HPSE2: variants seen among roughly 807,000 people sequenced by gnomAD.
The protein encoded by HPSE2 is inactive heparanase-2.
HPSE2 carries 38 observed loss-of-function variants against 60.5 expected under a neutral mutation model. The ratio of observed to expected loss-of-function variants is 0.63; its 90% confidence interval spans 0.48 to 0.82. The LOEUF (loss-of-function observed/expected upper bound fraction) is 0.82, where lower values mean the gene tolerates loss of function less well. Ranked by LOEUF, HPSE2 falls within the 40% of genes least tolerant of loss-of-function variation. HPSE2 has a pLI of 0.00. For synonymous variants in HPSE2, 295 were observed against 293.2 expected (o/e 1.01, Z -0.06); for missense variants, 713 against 740.4 (o/e 0.96, Z 0.43).
chr10:98,696,049 G>C (rs1330584470), intron 5 of HPSE2, among the ~76,000 whole-genome samples: 1 of 152,024 alleles, frequency 6.6e-6, no homozygotes, highest in African/African-American at 2.4e-5. Context: ...CTTAGAAGTA[G>C]GATGGCCCAA....
intron 3 of HPSE2, among the ~76,000 whole-genome samples, chr10:99,062,605 G>C (rs1034300355): frequency 6.6e-6 from 1 of 151,952 alleles, no homozygotes; most frequent in African/African-American, 2.4e-5. Context: ...TTCAATCAGA[G>C]CCAAAACCTT....
chr10:99,192,322 G>A (rs148480185), intron 2 of HPSE2, among the ~76,000 whole-genome samples: 1 of 152,232 alleles, frequency 6.6e-6, no homozygotes, highest in East Asian at 1.9e-4. Flanking sequence ...ACTCCAAAAG[G>A]TCAAGGTTAG....
intron 10 of HPSE2, among the ~76,000 whole-genome samples, chr10:98,487,113 C>T (rs1460411212): frequency 1.3e-5 from 2 of 152,156 alleles, no homozygotes; most frequent in Non-Finnish European, 2.9e-5. Flanking sequence ...TCATCTCCAC[C>T]CCAGAAACAT....
rs529563727 is a variant in HPSE2 at position 99,136,633 on chromosome 10, C to A, written c.610+7605G>T. Reference sequence around the variant, plus strand: ...TCCACCACATGAACAGAACCAATCACAAAAACCACATGATTATCTCAATAG... The same window carrying A: ...TCCACCACATGAACAGAACCAATCAAAAAAACCACATGATTATCTCAATAG... On this transcript the variant is annotated intron_variant, in intron 3 of 11. Coordinates refer to ENST00000370552, the MANE Select transcript of HPSE2 (RefSeq NM_021828.5). Among the ~76,000 whole-genome samples the A allele has an allele frequency of 3.2e-4, 48 of 152,260 alleles. 1 individual carries two copies. The East Asian group carries it at 5.2e-3, about 17-fold the overall frequency.
At chr10:99,242,422 T>C in the HPSE2 span, among the ~76,000 whole-genome samples, 47 of 152,222 alleles carry the variant, frequency 3.1e-4, no homozygotes, top group Non-Finnish European at 8.8e-5. Context: ...AGTACATTTA[T>C]TTGGGGAAGA....
At chr10:99,236,205 G>A (rs1035165663), upstream of HPSE2, among the ~76,000 whole-genome samples, 1 of 151,784 alleles carries the variant, frequency 6.6e-6, no homozygotes, top group Non-Finnish European at 1.5e-5. Flanking sequence ...GGAGAAAAGG[G>A]TGGCGTTGTA....
intron 9 of HPSE2, among the ~76,000 whole-genome samples, chr10:98,537,549 G>A (rs1943321445): frequency 6.6e-6 from 1 of 152,114 alleles, no homozygotes; most frequent in Non-Finnish European, 1.5e-5. Flanking sequence ...TATAACCTAG[G>A]AATAACCGGC....
intron 3 of HPSE2, among the ~76,000 whole-genome samples, chr10:98,835,484 G>A (rs891735447): frequency 6.6e-6 from 1 of 152,096 alleles, no homozygotes; most frequent in African/African-American, 2.4e-5. Flanking sequence ...TTGGAGGTAG[G>A]GAGAGGGTTA....
intron 3 of HPSE2, among the ~76,000 whole-genome samples, chr10:99,005,666 G>C (rs1468160538): frequency 6.6e-6 from 1 of 151,994 alleles, no homozygotes; most frequent in Non-Finnish European, 1.5e-5. Flanking sequence ...ATTTCTTTGA[G>C]GGTTAGCTAC....
chr10:98,782,042 G>GTTCTTGCGATAGTTTAC (rs1950484108), intron 3 of HPSE2, among the ~76,000 whole-genome samples: 4 of 56,192 alleles, frequency 7.1e-5, no homozygotes, highest in African/African-American at 3.1e-4. Context: ...ATTTAGCTAT[G>GTTCTTGCGATAGTTTAC]TGAGAAAATG....
At chr10:98,523,069 G>T (rs1414707617) in intron 9 of HPSE2, among the ~76,000 whole-genome samples, 1 of 152,182 alleles carries the variant, frequency 6.6e-6, no homozygotes, top group Non-Finnish European at 1.5e-5. Context: ...AGTTCTCTCA[G>T]TTGGGCACAG....
chr10:98,687,316 T>G (rs996039110), intron 6 of HPSE2, among the ~76,000 whole-genome samples: 1 of 152,222 alleles, frequency 6.6e-6, no homozygotes, highest in African/African-American at 2.4e-5. Flanking sequence ...CTGCAATCAT[T>G]GGCTCTTGTT....
intron 3 of HPSE2, among the ~76,000 whole-genome samples, chr10:98,973,310 A>G (rs150513905): frequency 1.1e-3 from 172 of 152,314 alleles, no homozygotes; most frequent in African/African-American, 4.0e-3. Flanking sequence ...CATGATTATA[A>G]CTGTCAAAAT....
chr10:99,284,524 A>T, the HPSE2 span, among the ~76,000 whole-genome samples: 1 of 152,166 alleles, frequency 6.6e-6, no homozygotes, highest in Non-Finnish European at 1.5e-5. Context: ...TAAAACTATA[A>T]AAGTTTCTTA....
intron 5 of HPSE2, among the ~76,000 whole-genome samples, chr10:98,698,440 A>G (rs1338410545): frequency 1.3e-5 from 2 of 152,146 alleles, no homozygotes; most frequent in African/African-American, 2.4e-5. Context: ...CTTTGAAACC[A>G]ACGAGAACAA....
chr10:98,457,414 T>C lies in HPSE2; in HGVS notation c.*2160A>G, dbSNP rs1041681754. Reference sequence around the variant, plus strand: ...CTGGGCGAGCCATGGATCCTCTCCATGCCTCGTAGGAAAAATGGGGATAAC... The same window carrying C: ...CTGGGCGAGCCATGGATCCTCTCCACGCCTCGTAGGAAAAATGGGGATAAC... On this transcript the variant is annotated 3_prime_UTR_variant, in exon 12 of 12. Transcript: ENST00000370552. 4.6e-5 allele frequency: 7 copies of C among 152,166 alleles called. No homozygotes were observed. Among genetic ancestry groups the C allele is most frequent in the African/African-American group, 1.7e-4 (7 of 41,452 alleles). 9.4% of individuals were successfully genotyped at this position (152,166 alleles called of 1,614,324 possible). A position where few individuals can be genotyped will look rare whatever the true frequency, so the allele number is the denominator to read the frequency against.
chr10:99,262,201 C>T, the HPSE2 span, among the ~76,000 whole-genome samples: 29 of 152,224 alleles, frequency 1.9e-4, no homozygotes, highest in African/African-American at 6.7e-4. Context: ...TTTTCAAGGG[C>T]GTGTTTCCCT....
rs559645638 is a variant in HPSE2, at chr10:99,023,006, A to G, written c.610+121232T>C. ...GGCGGCTTTGTCTTGCACCTTAGGT[A>G]CCAGCACAACCACAGTGGGATAGAG... is the stretch of plus-strand genomic sequence containing the variant. On this transcript the variant is annotated intron_variant, in intron 3 of 11. Coordinates refer to ENST00000370552, the MANE Select transcript of HPSE2 (RefSeq NM_021828.5). Among the ~76,000 whole-genome samples the G allele has an allele frequency of 2.2e-4, 33 of 152,266 alleles. No individual in the cohort carries two copies. The South Asian group carries it at 6.6e-3, about 31-fold the overall frequency.
the HPSE2 span, among the ~76,000 whole-genome samples, chr10:99,262,444 T>C: frequency 6.6e-6 from 1 of 152,066 alleles, no homozygotes; most frequent in Non-Finnish European, 1.5e-5. Context: ...AAAGCCTCCT[T>C]TGCATCCTCC....
Sources: gnomAD v4.1 joint callset for allele counts (sites outside exome capture counted in the v4.1 genomes callset) on GRCh38, gnomAD v4.1.1 for gene constraint, MANE v1.5 for transcripts, NCBI Gene and HGNC (gene_info 2026-07-23, HGNC 2026-07-21) for gene names.